Variants in MFN1 observed in about 807,000 individuals in gnomAD.
MFN1 encodes mitofusin-1.
Under a neutral mutation model 92.4 loss-of-function variants are expected in MFN1, and 65 were observed. The observed-to-expected ratio is 0.70, with a 90% CI of 0.58 to 0.86. The LOEUF is 0.86. MFN1 is among the 40% of genes least tolerant of loss of function. The pLI, the probability that MFN1 is intolerant of heterozygous loss-of-function variation, is 0.00. For synonymous variants in MFN1, 297 were observed against 300.9 expected, an observed-to-expected ratio of 0.99 and a Z score of 0.13; for missense variants, 781 against 868.0, an observed-to-expected ratio of 0.90 and a Z score of 1.26.
chr3:179,386,726 A>T (rs1406123171), intron 16 of MFN1, 97 bp downstream of exon 16: 2 of 1,133,186 alleles, frequency 1.8e-6, no homozygotes, highest in Non-Finnish European at 2.5e-6. Context: ...TCAAAGAATT[A>T]TCACAAAATG....
chr3:179,388,058 T>G (rs1175419228), intron 16 of MFN1, among the ~76,000 whole-genome samples: 1 of 147,050 alleles, frequency 6.8e-6, no homozygotes, highest in Non-Finnish European at 1.5e-5. Context: ...TTTTTTGTAT[T>G]TTTTTTTTTT....
At chr3:179,355,677 C>T (rs959582532) in intron 3 of MFN1, among the ~76,000 whole-genome samples, 2 of 151,138 alleles carry the variant, frequency 1.3e-5, no homozygotes, top group Admixed American at 6.6e-5. Flanking sequence ...AGGGGCCAGG[C>T]GTGGTGGCTC....
Position 179,352,015 on chromosome 3 carries a change from GA to G in MFN1, c.230del (p.Lys77ArgfsTer32). 1 of 1,594,308 alleles carries G rather than the reference GA, an allele frequency of 6.3e-7. No individual in the cohort carries two copies. The highest frequency in any genetic ancestry group is 1.1e-5 in the South Asian group (1 of 88,312). On this transcript the variant is annotated frameshift_variant, in exon 3 of 18. Coordinates refer to ENST00000471841, the MANE Select transcript of MFN1 (RefSeq NM_033540.3). LOFTEE classifies it high-confidence loss of function. The stretch of plus-strand genomic sequence containing the variant: ...GTGAGGTGCTATCTCGGAGACACAT[GA>G]AGGTGGCATTTTTTGGCAGGTAATT... ...IGEVLSRRHM[K>X]VAFFGRTSSG...
intron 10 of MFN1, 135 bp downstream of exon 10, chr3:179,375,476 T>A: frequency 9.7e-7 from 1 of 1,031,302 alleles, no homozygotes; most frequent in Non-Finnish European, 1.4e-6. Flanking sequence ...TGATGCCTAC[T>A]TCTATATTTT....
intron 9 of MFN1, among the ~76,000 whole-genome samples, chr3:179,373,936 G>A (rs897925885): frequency 6.6e-6 from 1 of 151,900 alleles, no homozygotes; most frequent in Non-Finnish European, 1.5e-5. Flanking sequence ...GCCTCACAAA[G>A]TGCTGGGATT....
chr3:179,375,270 C>T lies in MFN1; in HGVS notation c.1026C>T (p.Ile342=). 1 of 1,613,878 alleles carries T rather than the reference C, an allele frequency of 6.2e-7. No individual in the cohort carries two copies. The highest frequency in any genetic ancestry group is 8.5e-7 in the Non-Finnish European group (1 of 1,179,918). ...AVKTKFEQHT[I]RAKQILATVK... ...AAACAAAGTTCGAACAGCACACTATCAGAGCTAAACAGATACTAGCTACTG... is the reference window on the plus strand; with the variant it reads ...AAACAAAGTTCGAACAGCACACTATTAGAGCTAAACAGATACTAGCTACTG... Residue 342 remains isoleucine, a synonymous_variant, in exon 10 of 18, where the codon ATC becomes ATT. Transcript: ENST00000471841.
At chr3:179,375,377 G>GT (rs772706439) in intron 10 of MFN1, 36 bp downstream of exon 10, 4 of 1,603,208 alleles carry the variant, frequency 2.5e-6, no homozygotes, top group Non-Finnish European at 2.6e-6. Flanking sequence ...AAAAATGTTA[G>GT]TTTTTTTGTC....
At chr3:179,360,444 T>C (rs1178782446) in intron 4 of MFN1, among the ~76,000 whole-genome samples, 1 of 152,076 alleles carries the variant, frequency 6.6e-6, no homozygotes, top group Non-Finnish European at 1.5e-5. Context: ...CTCAGGATTA[T>C]GTAGTAAGTA....
intron 3 of MFN1, among the ~76,000 whole-genome samples, chr3:179,354,053 G>C (rs111413100): frequency 0.015 from 2,215 of 152,166 alleles, 61 homozygotes; most frequent in African/African-American, 0.051. Flanking sequence ...TCTCCCATTT[G>C]ACCATATTCT....
chr3:179,350,223 G>A (rs1414204181), intron 2 of MFN1, among the ~76,000 whole-genome samples: 1 of 151,714 alleles, frequency 6.6e-6, no homozygotes, highest in Non-Finnish European at 1.5e-5. Context: ...TTTTTCCAGC[G>A]ACAGTGGGGA....
intron 9 of MFN1, among the ~76,000 whole-genome samples, chr3:179,372,076 A>ATTATATATT (rs1713044783): frequency 6.8e-6 from 1 of 147,396 alleles, no homozygotes; most frequent in Admixed American, 6.8e-5. Flanking sequence ...TATATTATAT[A>ATTATATATT]ATACATATAT....
Position 179,378,140 on chromosome 3 carries a change from C to T in MFN1, c.1330-201C>T, listed in dbSNP as rs898053891. The T allele has an allele frequency of 1.1e-5, 6 of 543,442 alleles. 1 individual carries two copies. Among genetic ancestry groups the T allele is most frequent in the Non-Finnish European group, 1.6e-5 (5 of 310,392 alleles). The allele number at this position is 543,442 out of a possible 1,614,324, so 33.7% of individuals were successfully genotyped here. Reference sequence around the variant, plus strand: ...TCAGGAGTCTGAGGCAGGAGGATCGCGTGAGCCTAGGAGGTCAAGGCTACA... The same window carrying T: ...TCAGGAGTCTGAGGCAGGAGGATCGTGTGAGCCTAGGAGGTCAAGGCTACA... On this transcript the variant is annotated intron_variant, in intron 12 of 17. Coordinates refer to ENST00000471841, the MANE Select transcript of MFN1 (RefSeq NM_033540.3).
intron 4 of MFN1, among the ~76,000 whole-genome samples, chr3:179,362,054 A>AT (rs1712601357): frequency 6.6e-6 from 1 of 152,198 alleles, no homozygotes; most frequent in African/African-American, 2.4e-5. Context: ...ATACACATTT[A>AT]TTTCAGTAGA....
intron 9 of MFN1, 83 bp from the exon 10 acceptor site, chr3:179,375,137 C>G: frequency 7.1e-7 from 1 of 1,399,302 alleles, no homozygotes; most frequent in Non-Finnish European, 9.4e-7. Flanking sequence ...GTTAAAGTTA[C>G]AAACAGCAAG....
chr3:179,370,769 GAA>G, intron 9 of MFN1, among the ~76,000 whole-genome samples: 1 of 152,306 alleles, frequency 6.6e-6, no homozygotes, highest in East Asian at 1.9e-4. Flanking sequence ...TATTCTTAAA[GAA>G]AAGATTCAGG....
chr3:179,350,623 G>A (rs930779064), intron 2 of MFN1, among the ~76,000 whole-genome samples: 1 of 151,982 alleles, frequency 6.6e-6, no homozygotes, highest in Non-Finnish European at 1.5e-5. Flanking sequence ...AGGAGACAAA[G>A]CAAATAAATC....
At chr3:179,368,866 C>G (rs1712909277) in intron 9 of MFN1, among the ~76,000 whole-genome samples, 2 of 152,166 alleles carry the variant, frequency 1.3e-5, no homozygotes, top group African/African-American at 4.8e-5. Context: ...ATTGAAGAAA[C>G]CTCAGTCTGT....
rs527523170 is a variant in MFN1, at chr3:179,370,470, G to C, written c.975+2367G>C. Among the ~76,000 whole-genome samples, 5 of 147,026 alleles carry C rather than the reference G, an allele frequency of 3.4e-5. No individual in the cohort carries two copies. In the Admixed American group the frequency reaches 3.5e-4, roughly 10 times the overall value. The stretch of plus-strand genomic sequence containing the variant: ...GCTGGAATGAGGGAGTGAGTGCAGC[G>C]GCGCGATGTCAGCTCACTACAACCT... On this transcript the variant is annotated intron_variant, in intron 9 of 17. Transcript: ENST00000471841.
At position 179,378,681 on chromosome 3, in the gene MFN1, A is replaced by G. The variant is rs1240279349; in HGVS notation, c.1529A>G (p.His510Arg). 6 of 1,613,618 alleles carry G rather than the reference A, an allele frequency of 3.7e-6. No individual in the cohort carries two copies. The highest frequency in any genetic ancestry group is 1.7e-5 in the Admixed American group (1 of 59,992). ...GATCTCAGTTATAATCTAAATTACC[A>G]CAAGTTATGTTCAGATTTTCAAGAG... ...KFDLSYNLNY[H>R]KLCSDFQEDI... Residue 510 changes from histidine to arginine, a missense_variant, in exon 14 of 18, where the codon CAC (histidine) becomes CGC (arginine). His to Arg is a conservative substitution (Grantham distance 29, BLOSUM62 0). Coordinates refer to ENST00000471841, the MANE Select transcript of MFN1 (RefSeq NM_033540.3).
Sources: gnomAD v4.1 joint callset for allele counts (sites outside exome capture counted in the v4.1 genomes callset) on GRCh38, gnomAD v4.1.1 for gene constraint, MANE v1.5 for transcripts, NCBI Gene and HGNC (gene_info 2026-07-23, HGNC 2026-07-21) for gene names.